Variants in TOX observed in about 807,000 individuals in gnomAD.
TOX encodes the protein thymocyte selection-associated high mobility group box protein TOX.
A neutral mutation model predicts 53.7 loss-of-function variants in TOX; 11 were observed. The ratio of observed to expected loss-of-function variants is 0.20; its 90% confidence interval spans 0.13 to 0.34. The LOEUF (loss-of-function observed/expected upper bound fraction) is 0.34. TOX is among the 10% of genes least tolerant of loss of function. TOX has a pLI of 1.00. For missense variants in TOX, 570 were observed against 664.6 expected (o/e 0.86, Z 1.56); for synonymous variants, 225 against 245.3 (o/e 0.92, Z 0.77).
At chr8:59,029,605 T>A (rs1440782594) in intron 1 of TOX, among the ~76,000 whole-genome samples, 1 of 152,150 alleles carries the variant, frequency 6.6e-6, no homozygotes, top group Non-Finnish European at 1.5e-5. Context: ...ATGGAGAAAA[T>A]GTAGACAGGT....
chr8:58,959,871 C>G, intron 2 of TOX, 72 bp downstream of exon 2: 1 of 1,466,308 alleles, frequency 6.8e-7, no homozygotes, highest in Non-Finnish European at 9.5e-7. Flanking sequence ...TAGTGCTACT[C>G]ATTTGCAATG....
At chr8:58,830,316 G>C (rs1276930945) in intron 5 of TOX, among the ~76,000 whole-genome samples, 1 of 152,096 alleles carries the variant, frequency 6.6e-6, no homozygotes, top group African/African-American at 2.4e-5. Flanking sequence ...TCTAAGGATT[G>C]CATCTCAGTG....
At chr8:59,101,150 T>C (rs1317780331) in intron 1 of TOX, among the ~76,000 whole-genome samples, 1 of 152,194 alleles carries the variant, frequency 6.6e-6, no homozygotes, top group Non-Finnish European at 1.5e-5. Flanking sequence ...CAGAGCTCAA[T>C]AGTAATAGTA....
intron 1 of TOX, among the ~76,000 whole-genome samples, chr8:59,026,429 A>C (rs1257898169): frequency 6.6e-6 from 1 of 152,206 alleles, no homozygotes; most frequent in African/African-American, 2.4e-5. Context: ...CTAAAAAAGG[A>C]GGCAGGGCAC....
intron 3 of TOX, among the ~76,000 whole-genome samples, chr8:58,903,047 A>G (rs542404840): frequency 1.1e-4 from 16 of 152,346 alleles, no homozygotes; most frequent in African/African-American, 3.6e-4. Context: ...AATACTCTTT[A>G]CCATTAAAAA....
intron 3 of TOX, among the ~76,000 whole-genome samples, chr8:58,927,617 T>C (rs2129175372): frequency 6.6e-6 from 1 of 152,282 alleles, no homozygotes; most frequent in South Asian, 2.1e-4. Context: ...CGGAGCCCAA[T>C]AAATGTCAGT....
chr8:58,897,294 C>T (rs1811666945), intron 3 of TOX, among the ~76,000 whole-genome samples: 1 of 152,094 alleles, frequency 6.6e-6, no homozygotes, highest in Non-Finnish European at 1.5e-5. Flanking sequence ...TGTACCTGTC[C>T]TACAACTTTT....
Position 59,048,705 on chromosome 8 carries a change from C to T in TOX, c.102+70181G>A, listed in dbSNP as rs189570784. On this transcript the variant is annotated intron_variant, in intron 1 of 8. Coordinates refer to ENST00000361421, the MANE Select transcript of TOX (RefSeq NM_014729.3). Reference sequence around the variant, plus strand: ...TTAATTTCTTATTTTTGTGGGTGCACAGGAGATTTGTATATTTATGAGTTA... The same window carrying T: ...TTAATTTCTTATTTTTGTGGGTGCATAGGAGATTTGTATATTTATGAGTTA... Among the ~76,000 whole-genome samples, 6 of 152,184 alleles carry T rather than the reference C, an allele frequency of 3.9e-5. No homozygotes were observed. The East Asian group carries it at 1.2e-3, about 29-fold the overall frequency.
intron 3 of TOX, among the ~76,000 whole-genome samples, chr8:58,903,254 G>A (rs1221666835): frequency 1.3e-5 from 2 of 152,198 alleles, no homozygotes; most frequent in African/African-American, 4.8e-5. Flanking sequence ...TGTTAAGGGA[G>A]TTTATGATAT....
At chr8:58,967,685 T>C (rs1812930103) in intron 1 of TOX, among the ~76,000 whole-genome samples, 1 of 152,232 alleles carries the variant, frequency 6.6e-6, no homozygotes, top group African/African-American at 2.4e-5. Flanking sequence ...GTAGCACCTC[T>C]ATGTCCCTCA....
intron 1 of TOX, among the ~76,000 whole-genome samples, chr8:59,005,702 G>T (rs1813779614): frequency 6.6e-6 from 1 of 152,100 alleles, no homozygotes; most frequent in South Asian, 2.1e-4. Context: ...TGCTAATCAA[G>T]TTGGTTTCTA....
chr8:58,932,497 T>C (rs570939381), intron 3 of TOX, among the ~76,000 whole-genome samples: 3 of 152,318 alleles, frequency 2.0e-5, no homozygotes, highest in South Asian at 4.1e-4. Flanking sequence ...GCTGACATCA[T>C]AAGCTCCTCC....
At chr8:58,923,626 A>C (rs1248950145) in intron 3 of TOX, among the ~76,000 whole-genome samples, 1 of 152,136 alleles carries the variant, frequency 6.6e-6, no homozygotes, top group Non-Finnish European at 1.5e-5. Context: ...TCATTTTATA[A>C]CTTAAAGGGA....
At chr8:58,825,509 G>A (rs775071903) in intron 6 of TOX, among the ~76,000 whole-genome samples, 2 of 152,178 alleles carry the variant, frequency 1.3e-5, no homozygotes, top group African/African-American at 2.4e-5. Flanking sequence ...ACAGCATTCT[G>A]GCAATCTGCA....
chr8:58,983,658 T>A (rs1813269347), intron 1 of TOX, among the ~76,000 whole-genome samples: 1 of 152,158 alleles, frequency 6.6e-6, no homozygotes, highest in Non-Finnish European at 1.5e-5. Flanking sequence ...GAATGTCAAA[T>A]CAATTTTGGT....
intron 3 of TOX, among the ~76,000 whole-genome samples, chr8:58,892,723 G>T (rs188454734): frequency 5.3e-5 from 8 of 152,092 alleles, no homozygotes; most frequent in Non-Finnish European, 1.0e-4. Context: ...TTGCTTGCAC[G>T]AGGTGGCCTT....
At chr8:59,026,742 G>C (rs1002304174) in intron 1 of TOX, among the ~76,000 whole-genome samples, 1 of 152,106 alleles carries the variant, frequency 6.6e-6, no homozygotes, top group African/African-American at 2.4e-5. Flanking sequence ...TCATCCAAAA[G>C]AAATATGCTC....
intron 3 of TOX, among the ~76,000 whole-genome samples, chr8:58,874,990 G>A (rs146495138): frequency 6.6e-6 from 1 of 152,372 alleles, no homozygotes; most frequent in Non-Finnish European, 1.5e-5. Context: ...CATGTGGCCT[G>A]TGGGCCATGG....
At chr8:58,996,402 G>A (rs1813561686) in intron 1 of TOX, among the ~76,000 whole-genome samples, 1 of 152,092 alleles carries the variant, frequency 6.6e-6, no homozygotes, top group African/African-American at 2.4e-5. Flanking sequence ...AATCATCAAG[G>A]TTCCAATCCT....
Sources: gnomAD v4.1 joint callset for allele counts (sites outside exome capture counted in the v4.1 genomes callset) on GRCh38, gnomAD v4.1.1 for gene constraint, MANE v1.5 for transcripts, NCBI Gene and HGNC (gene_info 2026-07-23, HGNC 2026-07-21) for gene names.